Variants in WDR45B observed in about 807,000 individuals in gnomAD.
WDR45B encodes WD repeat domain 45B.
A neutral mutation model predicts 44.6 loss-of-function variants in WDR45B; 20 were observed. The observed-to-expected ratio is 0.45, with a 90% CI of 0.32 to 0.65. The LOEUF (loss-of-function observed/expected upper bound fraction) is 0.65, where lower values mean the gene tolerates loss of function less well. Among genes scored for constraint, WDR45B ranks in the 30% least tolerant of loss-of-function variants. The pLI, the probability that WDR45B is intolerant of heterozygous loss-of-function variation, is 0.05. For missense variants in WDR45B, 323 were observed against 430.2 expected (o/e 0.75, Z 2.20); for synonymous variants, 169 against 164.9 (o/e 1.02, Z -0.19).
chr17:82,625,438 T>C lies in WDR45B; in HGVS notation c.378A>G (p.Thr126=). Residue 126 remains threonine (T), a synonymous_variant, in exon 5 of 10, where the codon ACA becomes ACG. Coordinates refer to ENST00000392325, the MANE Select transcript of WDR45B (RefSeq NM_019613.4). The part of the protein sequence containing the change: ...LDSMIKVFTF[T]HNPHQLHVFE... ...AGACGTGCAACTGATGGGGATTGTG[T>C]GTGAATGTGAACACCTTAATCATGG... is the stretch of plus-strand genomic sequence containing the variant. The C allele has an allele frequency of 6.2e-7, 1 of 1,614,210 alleles. No individual in the cohort carries two copies.
chr17:82,643,857 G>A (rs1373613162), intron 2 of WDR45B, 92 bp downstream of exon 2: 16 of 1,262,398 alleles, frequency 1.3e-5, no homozygotes, highest in African/African-American at 3.0e-5. Flanking sequence ...CTCGAAAACA[G>A]CCATCCCTTC....
intron 1 of WDR45B, among the ~76,000 whole-genome samples, chr17:82,646,013 C>G (rs1175965230): frequency 1.3e-5 from 2 of 151,694 alleles, no homozygotes; most frequent in Admixed American, 1.3e-4. Context: ...CCCAACTACT[C>G]GGGAGCCTGA....
intron 2 of WDR45B, among the ~76,000 whole-genome samples, chr17:82,633,840 C>A (rs746776689): frequency 6.6e-6 from 1 of 151,954 alleles, no homozygotes; most frequent in Non-Finnish European, 1.5e-5. Context: ...CACAGTGAGA[C>A]GCTCCCTCAA....
At chr17:82,637,687 T>C (rs2045851589) in intron 2 of WDR45B, among the ~76,000 whole-genome samples, 1 of 152,054 alleles carries the variant, frequency 6.6e-6, no homozygotes, top group South Asian at 2.1e-4. Flanking sequence ...TGTTTACCAG[T>C]TTATAACAAA....
chr17:82,625,907 T>C (rs1262976720), intron 4 of WDR45B: 3 of 252,674 alleles, frequency 1.2e-5, no homozygotes, highest in African/African-American at 2.3e-5. Context: ...TTTTTATAGA[T>C]GGAGTCTCAC....
intron 2 of WDR45B, 102 bp from the exon 3 acceptor site, chr17:82,631,124 T>G: frequency 5.1e-6 from 6 of 1,177,022 alleles, no homozygotes; most frequent in Non-Finnish European, 7.4e-6. Flanking sequence ...AGCAATTTTC[T>G]ATTTTTTGTA....
intron 5 of WDR45B, 79 bp downstream of exon 5, chr17:82,625,310 C>A (rs2045680288): frequency 1.4e-6 from 2 of 1,420,158 alleles, no homozygotes; most frequent in South Asian, 2.3e-5. Flanking sequence ...CAGAGACCTG[C>A]TTGGAGAAGG....
intron 2 of WDR45B, among the ~76,000 whole-genome samples, chr17:82,642,344 C>A (rs1354921698): frequency 6.6e-6 from 1 of 152,212 alleles, no homozygotes. Flanking sequence ...GCACGCTCCT[C>A]CTGAGACTCT....
chr17:82,635,489 G>A (rs2045821446), intron 2 of WDR45B, among the ~76,000 whole-genome samples: 1 of 148,786 alleles, frequency 6.7e-6, no homozygotes, highest in African/African-American at 2.5e-5. Context: ...GCAGTGGTGC[G>A]ATCTTGGCTC....
At chr17:82,639,786 TGG>T (rs2045886016) in intron 2 of WDR45B, among the ~76,000 whole-genome samples, 1 of 128,888 alleles carries the variant, frequency 7.8e-6, no homozygotes, top group South Asian at 2.6e-4. Flanking sequence ...TGTGTGTGTG[TGG>T]GGTCGGGAGG....
In WDR45B at chr17:82,618,426, C is replaced by CA. The variant is rs200927026; in HGVS notation, c.704+616dup. Among the ~76,000 whole-genome samples the CA allele has an allele frequency of 2.2e-4, 34 of 151,174 alleles. No individual in the cohort carries two copies. The East Asian group carries it at 6.2e-3, about 27-fold the overall frequency. Reference sequence around the variant, plus strand: ...CTCTCAGACTGTAACAGGCTGGAATCAGACAAACCAACATGGTCTCCAGCA... The same window carrying CA: ...CTCTCAGACTGTAACAGGCTGGAATCAAGACAAACCAACATGGTCTCCAGCA... On this transcript the variant is annotated intron_variant, in intron 7 of 9. Transcript: ENST00000392325.
chr17:82,624,155 G>A (rs548904332), intron 5 of WDR45B, among the ~76,000 whole-genome samples: 117 of 152,234 alleles, frequency 7.7e-4, no homozygotes, highest in African/African-American at 2.6e-3. Flanking sequence ...CGGCCGAAGG[G>A]ACCAACAAAG....
In WDR45B at chr17:82,627,211, G is replaced by A. The variant is rs1339002900; in HGVS notation, c.325C>T (p.Arg109Ter). 8 of 1,612,760 alleles carry A rather than the reference G, an allele frequency of 5.0e-6. No homozygotes were observed. The highest frequency in any genetic ancestry group is 1.3e-5 in the African/African-American group (1 of 74,974). ...STEVKAVKLR[R>*]DRIVVVLDSM... ...TACTGACACCAAACCCACCTATCTCGCCGCAGCTTGACTGCCTTGACTTCT... is the reference window on the plus strand; with the variant it reads ...TACTGACACCAAACCCACCTATCTCACCGCAGCTTGACTGCCTTGACTTCT... Residue 109 changes from arginine to a stop codon, truncating the protein, a stop_gained, in exon 4 of 10, where the codon CGA (arginine) becomes TGA (stop). Coordinates refer to ENST00000392325, the MANE Select transcript of WDR45B (RefSeq NM_019613.4). LOFTEE classifies it high-confidence loss of function.
intron 5 of WDR45B, 143 bp downstream of exon 5, chr17:82,625,246 A>G (rs1482470771): frequency 8.8e-6 from 7 of 796,526 alleles, no homozygotes; most frequent in African/African-American, 8.5e-5. Flanking sequence ...TGGAAGGTCC[A>G]TCTCCTCTGG....
At position 82,615,280 on chromosome 17, in the gene WDR45B, C is replaced by G. The variant is rs184847878; in HGVS notation, c.*639G>C. The G allele has an allele frequency of 6.4e-6, 1 of 156,738 alleles. No homozygotes were observed. Among genetic ancestry groups the G allele is most frequent in the East Asian group, 1.9e-4 (1 of 5,268 alleles). The allele number at this position is 156,738 out of a possible 1,614,324, so 9.7% of individuals were successfully genotyped here. ...CCAACGGAGACGGGGACGCCACGCACGGGCACAGGTGACGTCACGGGCACA... is the reference window on the plus strand; with the variant it reads ...CCAACGGAGACGGGGACGCCACGCAGGGGCACAGGTGACGTCACGGGCACA... On this transcript the variant is annotated 3_prime_UTR_variant, in exon 10 of 10. Transcript: ENST00000392325.
Position 82,632,659 on chromosome 17 carries a change from C to T in WDR45B, c.143-1637G>A, listed in dbSNP as rs2045782740. ...CCACCCACTTCTGTGTCTGCAATGA[C>T]CATGAGCTCTATCTCTCCAGTCACA... On this transcript the variant is annotated intron_variant, in intron 2 of 9. Transcript: ENST00000392325. Among the ~76,000 whole-genome samples the T allele has an allele frequency of 2.0e-5, 3 of 152,240 alleles. No individual in the cohort carries two copies. The South Asian group carries it at 6.2e-4, about 32-fold the overall frequency.
intron 2 of WDR45B, among the ~76,000 whole-genome samples, chr17:82,641,837 G>A (rs2045920513): frequency 6.6e-6 from 1 of 152,020 alleles, no homozygotes; most frequent in Non-Finnish European, 1.5e-5. Flanking sequence ...GGCGGAGCTT[G>A]CAGTGAGCCG....
At chr17:82,617,206 C>T in intron 8 of WDR45B, 90 bp downstream of exon 8, 1 of 1,171,472 alleles carries the variant, frequency 8.5e-7, no homozygotes, top group Non-Finnish European at 1.3e-6. Flanking sequence ...CACCACCCTG[C>T]TGGGGTGGGG....
intron 2 of WDR45B, among the ~76,000 whole-genome samples, chr17:82,640,200 A>G (rs930947489): frequency 2.0e-5 from 3 of 152,018 alleles, no homozygotes; most frequent in Admixed American, 6.5e-5. Flanking sequence ...TCCTTACTCA[A>G]TGCACAGTCA....
Sources: gnomAD v4.1 joint callset for allele counts (sites outside exome capture counted in the v4.1 genomes callset) on GRCh38, gnomAD v4.1.1 for gene constraint, MANE v1.5 for transcripts, NCBI Gene and HGNC (gene_info 2026-07-23, HGNC 2026-07-21) for gene names.